The following SRGAP3 variants were observed in gnomAD, a reference collection of about 807,000 sequenced individuals.
SRGAP3 encodes SLIT-ROBO Rho GTPase activating protein 3, also known as SLIT-ROBO Rho GTPase-activating protein 3.
Under a neutral mutation model 121.1 loss-of-function variants are expected in SRGAP3, and 39 were observed. The ratio of observed to expected loss-of-function variants is 0.32; its 90% confidence interval spans 0.25 to 0.42. The LOEUF (loss-of-function observed/expected upper bound fraction) is 0.42, where lower values mean the gene tolerates loss of function less well. SRGAP3 is among the 10% of genes least tolerant of loss of function. SRGAP3 has a pLI of 1.00. For missense variants in SRGAP3, 1,213 were observed against 1,470.6 expected, an observed-to-expected ratio of 0.82 and a Z score of 2.86; for synonymous variants, 601 against 570.0, an observed-to-expected ratio of 1.05 and a Z score of -0.77.
chr3:9,058,289 G>A lies in SRGAP3; in HGVS notation c.985C>T (p.Pro329Ser). 6.2e-7 allele frequency: 1 copy of A among 1,614,262 alleles called. No homozygotes were observed. The highest frequency in any genetic ancestry group is 8.5e-7 in the Non-Finnish European group (1 of 1,180,038). Residue 329 changes from proline to serine, a missense_variant, in exon 7 of 22, where the codon CCA (proline) becomes TCA (serine). By Grantham distance (74) the Pro-to-Ser change is moderately conservative. Transcript: ENST00000383836. ...MDMCNQVFCPPLKFEFQPHMG... is the reference protein window; with the variant it reads ...MDMCNQVFCPSLKFEFQPHMG... ...TGGGGCTGGAACTCGAACTTGAGTG[G>A]AGGGCAGAAGACTTGATTGCACATG...
At chr3:9,359,813 T>A (rs1365939096) in intron 1 of SRGAP3, among the ~76,000 whole-genome samples, 1 of 152,260 alleles carries the variant, frequency 6.6e-6, no homozygotes, top group Non-Finnish European at 1.5e-5. Flanking sequence ...GACCAAATAA[T>A]ATTCTACTCT....
intron 12 of SRGAP3, among the ~76,000 whole-genome samples, chr3:9,030,686 C>T (rs549413): frequency 0.87 from 132,946 of 152,246 alleles, 58,179 homozygotes; most frequent in Non-Finnish European, 0.9. Context: ...CCCTCTATTA[C>T]GAAAATACTT....
At chr3:9,137,771 G>A (rs545420517) in intron 1 of SRGAP3, among the ~76,000 whole-genome samples, 1 of 152,242 alleles carries the variant, frequency 6.6e-6, no homozygotes, top group East Asian at 1.9e-4. Context: ...TTTTCCCATA[G>A]CATCTGTGCT....
At chr3:8,990,108 G>C (rs1196058210) in intron 21 of SRGAP3, among the ~76,000 whole-genome samples, 1 of 152,226 alleles carries the variant, frequency 6.6e-6, no homozygotes, top group Non-Finnish European at 1.5e-5. Flanking sequence ...GGCTAGCATG[G>C]TGACGGCCAC....
chr3:9,033,195 C>T (rs1317056647), intron 11 of SRGAP3, among the ~76,000 whole-genome samples: 1 of 152,178 alleles, frequency 6.6e-6, no homozygotes, highest in Non-Finnish European at 1.5e-5. Flanking sequence ...GTCTCAACTC[C>T]CAATGTACCA....
chr3:9,152,959 G>A (rs1266806128), intron 1 of SRGAP3, among the ~76,000 whole-genome samples: 4 of 152,170 alleles, frequency 2.6e-5, no homozygotes, highest in South Asian at 2.1e-4. Context: ...TCAGCTTCTC[G>A]CTCTGCCCAG....
chr3:9,037,445 G>T, intron 11 of SRGAP3: 1 of 149,698 alleles, frequency 6.7e-6, no homozygotes, highest in Non-Finnish European at 1.5e-5. Context: ...GTCTGCTCAG[G>T]AAAAAGCGCA....
chr3:9,356,358 A>ATTTT (rs869098475), intron 1 of SRGAP3, among the ~76,000 whole-genome samples: 1 of 39,606 alleles, frequency 2.5e-5, no homozygotes, highest in Admixed American at 4.3e-4. Flanking sequence ...TGGCCAGCTA[A>ATTTT]TTTTTTTTTT....
At chr3:9,235,635 C>G (rs1049505491) in intron 1 of SRGAP3, 3 of 151,694 alleles carry the variant, frequency 2.0e-5, no homozygotes, top group Admixed American at 1.3e-4. Context: ...TCCCGATTAG[C>G]TGGGACTACA....
intron 3 of SRGAP3, among the ~76,000 whole-genome samples, chr3:9,306,314 C>T (rs1384101117): frequency 6.6e-6 from 1 of 152,112 alleles, no homozygotes; most frequent in African/African-American, 2.4e-5. Context: ...TGGATATTAG[C>T]CCTTTGTCAG....
intron 3 of SRGAP3, among the ~76,000 whole-genome samples, chr3:9,286,766 C>T (rs915666815): frequency 3.3e-5 from 5 of 150,610 alleles, no homozygotes; most frequent in Admixed American, 1.3e-4. Context: ...CCACACCCGG[C>T]TAATTTTTCG....
chr3:9,346,997 C>T (rs940781634), intron 1 of SRGAP3, among the ~76,000 whole-genome samples: 1 of 151,890 alleles, frequency 6.6e-6, no homozygotes, highest in Admixed American at 6.6e-5. Context: ...CTCAGGTGAT[C>T]CGCCCAGGCT....
Position 9,109,789 on chromosome 3 carries a change from G to A in SRGAP3, c.261-4947C>T, listed in dbSNP as rs1376755031. ...CTTTCTAGACTGAGAACTAAAAGCC[G>A]GACTGGAGTTTCACAGGGAGGAGCC... is the stretch of plus-strand genomic sequence containing the variant. On this transcript the variant is annotated intron_variant, in intron 2 of 21. Transcript: ENST00000383836. The surrounding 1 kb of genome is among the most constrained non-coding windows in gnomAD (Gnocchi z 4.4). Among the ~76,000 whole-genome samples the A allele has an allele frequency of 2.0e-5, 3 of 152,262 alleles. No homozygotes were observed. Among genetic ancestry groups the A allele is most frequent in the East Asian group, 1.9e-4 (1 of 5,166 alleles).
chr3:9,013,917 C>T (rs1439424310), intron 15 of SRGAP3, 75 bp from the exon 16 acceptor site: 10 of 1,408,520 alleles, frequency 7.1e-6, no homozygotes, highest in Non-Finnish European at 9.0e-6. Context: ...CTCGCCACAT[C>T]TCCTATATCA....
At chr3:9,202,278 G>C (rs567196145) in intron 1 of SRGAP3, among the ~76,000 whole-genome samples, 1 of 152,136 alleles carries the variant, frequency 6.6e-6, no homozygotes, top group South Asian at 2.1e-4. Context: ...ACTCTTCCTT[G>C]ATGAAGGAAG....
chr3:9,027,981 G>T (rs2125076704), intron 12 of SRGAP3: 1 of 1,195,910 alleles, frequency 8.4e-7, no homozygotes, highest in East Asian at 2.3e-5. Context: ...CTGTGCCCAG[G>T]GACAGGACAA....
At chr3:9,305,624 T>C (rs1955147366) in intron 3 of SRGAP3, among the ~76,000 whole-genome samples, 1 of 151,970 alleles carries the variant, frequency 6.6e-6, no homozygotes, top group South Asian at 2.1e-4. Flanking sequence ...GTGTTCTCAT[T>C]GTTCAATTCC....
chr3:9,170,845 C>G (rs1325521795), intron 1 of SRGAP3, among the ~76,000 whole-genome samples: 1 of 152,218 alleles, frequency 6.6e-6, no homozygotes, highest in Non-Finnish European at 1.5e-5. Flanking sequence ...CCTTCACTTG[C>G]TGGTGTGTAA....
At chr3:8,986,092 C>A (rs897969919) in intron 21 of SRGAP3, among the ~76,000 whole-genome samples, 160 bp from the exon 22 acceptor site, 2 of 152,106 alleles carry the variant, frequency 1.3e-5, no homozygotes, top group Non-Finnish European at 2.9e-5. Flanking sequence ...ATGGGAGAAC[C>A]AATGTGGATA....
Sources: gnomAD v4.1 joint callset for allele counts (sites outside exome capture counted in the v4.1 genomes callset) on GRCh38, gnomAD v4.1.1 for gene constraint, Gnocchi (gnomAD v3.1) non-coding constraint, MANE v1.5 for transcripts, NCBI Gene and HGNC (gene_info 2026-07-23, HGNC 2026-07-21) for gene names.